Variants in MYRIP observed in about 807,000 individuals in gnomAD.
MYRIP encodes the protein rab effector MyRIP.
Under a neutral mutation model 98.0 loss-of-function variants are expected in MYRIP, and 49 were observed. The ratio of observed to expected loss-of-function variants is 0.50; its 90% CI spans 0.40 to 0.63. The LOEUF is 0.63. Ranked by LOEUF, MYRIP falls within the 30% of genes least tolerant of loss-of-function variation. The pLI is 0.00. For missense variants in MYRIP, 1,004 were observed against 1,058.2 expected (o/e 0.95, Z 0.71); for synonymous variants, 404 against 409.5 (o/e 0.99, Z 0.16).
intron 3 of MYRIP, among the ~76,000 whole-genome samples, chr3:40,070,672 C>T (rs1341729869): frequency 6.6e-6 from 1 of 152,100 alleles, no homozygotes; most frequent in Non-Finnish European, 1.5e-5. Context: ...ACACGCTCCT[C>T]ATGAGAATCT....
intron 12 of MYRIP, among the ~76,000 whole-genome samples, chr3:40,238,424 G>A (rs1158527714): frequency 6.6e-6 from 1 of 152,148 alleles, no homozygotes; most frequent in East Asian, 1.9e-4. Flanking sequence ...TTGTTGGTCT[G>A]CAGAATAAAG....
At chr3:39,845,686 A>C (rs889217505) in intron 1 of MYRIP, among the ~76,000 whole-genome samples, 12 of 152,122 alleles carry the variant, frequency 7.9e-5, no homozygotes, top group African/African-American at 2.9e-4. Context: ...CCATCTATCT[A>C]CTAGTAATTG....
At chr3:40,110,881 G>GGTGTGTGT (rs58040369) in intron 3 of MYRIP, among the ~76,000 whole-genome samples, 28 of 147,806 alleles carry the variant, frequency 1.9e-4, no homozygotes, top group African/African-American at 5.8e-4. Context: ...TTCATGAAGG[G>GGTGTGTGT]GTGTGTGTGT....
intron 3 of MYRIP, among the ~76,000 whole-genome samples, chr3:40,150,194 G>A (rs1271243100): frequency 2.0e-5 from 3 of 152,046 alleles, no homozygotes; most frequent in East Asian, 1.9e-4. Flanking sequence ...AGGTTCAAGC[G>A]ATTCTCCTGC....
chr3:39,928,518 G>T (rs1944468782), intron 2 of MYRIP, among the ~76,000 whole-genome samples: 1 of 151,630 alleles, frequency 6.6e-6, no homozygotes, highest in Non-Finnish European at 1.5e-5. Flanking sequence ...TGCAAAGCTG[G>T]TTCAGTTTTA....
At chr3:39,860,311 G>T (rs576289210) in intron 1 of MYRIP, among the ~76,000 whole-genome samples, 1 of 152,162 alleles carries the variant, frequency 6.6e-6, no homozygotes, top group African/African-American at 2.4e-5. Context: ...TGCAGGGAGA[G>T]CTGCTTAGAG....
chr3:39,842,753 A>ACC (rs67306630), intron 1 of MYRIP, among the ~76,000 whole-genome samples: 12,013 of 151,288 alleles, frequency 0.079, 508 homozygotes, highest in African/African-American at 0.11. Context: ...TGAGGTGATT[A>ACC]CCCCCCCTGC....
chr3:40,034,565 T>G (rs369126829), intron 2 of MYRIP, among the ~76,000 whole-genome samples: 1 of 147,464 alleles, frequency 6.8e-6, no homozygotes, highest in African/African-American at 2.6e-5. Context: ...TTAAAAAGTC[T>G]GGAAACAACA....
At chr3:39,964,206 T>G (rs1386741538) in intron 2 of MYRIP, among the ~76,000 whole-genome samples, 1 of 152,108 alleles carries the variant, frequency 6.6e-6, no homozygotes, top group South Asian at 2.1e-4. Context: ...ATGAGCGACT[T>G]GGATTCTATT....
chr3:40,018,768 G>A (rs1946925588), intron 2 of MYRIP, among the ~76,000 whole-genome samples: 1 of 152,100 alleles, frequency 6.6e-6, no homozygotes, highest in South Asian at 2.1e-4. Context: ...ACTTCCATAG[G>A]CAATGCTTCT....
chr3:39,936,523 G>A (rs1944658808), intron 2 of MYRIP, among the ~76,000 whole-genome samples: 1 of 152,152 alleles, frequency 6.6e-6, no homozygotes, highest in South Asian at 2.1e-4. Context: ...ATGGTAGGGT[G>A]GACTTCCAGT....
chr3:40,003,782 G>A (rs541407715), intron 2 of MYRIP, among the ~76,000 whole-genome samples: 48 of 152,144 alleles, frequency 3.2e-4, no homozygotes, highest in African/African-American at 1.0e-3. Flanking sequence ...TTTTGTTTCC[G>A]AAAAGCTTAT....
chr3:40,090,818 C>T (rs554426534), intron 3 of MYRIP, among the ~76,000 whole-genome samples: 6 of 152,254 alleles, frequency 3.9e-5, no homozygotes, highest in African/African-American at 1.2e-4. Context: ...GAATGGGTAT[C>T]GAGGACATAC....
At chr3:40,091,689 T>A (rs930684675) in intron 3 of MYRIP, among the ~76,000 whole-genome samples, 6 of 152,182 alleles carry the variant, frequency 3.9e-5, no homozygotes, top group Admixed American at 2.0e-4. Flanking sequence ...TAATGAGTAT[T>A]CCCATCATGG....
chr3:39,816,745 A>G (rs1216014435), intron 1 of MYRIP, among the ~76,000 whole-genome samples: 1 of 152,210 alleles, frequency 6.6e-6, no homozygotes, highest in East Asian at 1.9e-4. Context: ...AAACATAATA[A>G]TTATAGAAAT....
intron 1 of MYRIP, among the ~76,000 whole-genome samples, chr3:39,861,907 G>T (rs1368866574): frequency 6.6e-6 from 1 of 152,126 alleles, no homozygotes. Flanking sequence ...AAGCAACTTG[G>T]AAAACATATT....
At chr3:40,234,554 G>A (rs981012444) in intron 12 of MYRIP, among the ~76,000 whole-genome samples, 16 of 152,206 alleles carry the variant, frequency 1.1e-4, no homozygotes, top group African/African-American at 3.1e-4. Flanking sequence ...GGCTTAGTGG[G>A]CAGGGAGAGG....
chr3:40,167,683 T>G (rs996940544), intron 7 of MYRIP, among the ~76,000 whole-genome samples: 3 of 152,150 alleles, frequency 2.0e-5, no homozygotes, highest in African/African-American at 7.2e-5. Context: ...AGCCACAAGT[T>G]TCAGGTATCC....
At chr3:39,903,609 C>T (rs964462268) in intron 2 of MYRIP, among the ~76,000 whole-genome samples, 8 of 152,184 alleles carry the variant, frequency 5.3e-5, no homozygotes, top group African/African-American at 1.9e-4. Context: ...ATGAAGAATT[C>T]ATGGAAAGAG....
Sources: gnomAD v4.1 joint callset for allele counts (sites outside exome capture counted in the v4.1 genomes callset) on GRCh38, gnomAD v4.1.1 for gene constraint, MANE v1.5 for transcripts, NCBI Gene and HGNC (gene_info 2026-07-23, HGNC 2026-07-21) for gene names.